YY1: variants seen among roughly 807,000 people sequenced by gnomAD.
YY1 encodes the protein transcriptional repressor protein YY1.
Under a neutral mutation model 35.6 loss-of-function variants are expected in YY1, and 2 were observed. The ratio of observed to expected loss-of-function variants is 0.06; its 90% CI spans 0.02 to 0.18. The LOEUF (loss-of-function observed/expected upper bound fraction) is 0.18, where lower values mean the gene tolerates loss of function less well. Ranked by LOEUF, YY1 falls within the 10% of genes least tolerant of loss-of-function variation. YY1 has a pLI of 1.00. For missense variants in YY1, 322 were observed against 573.4 expected, an observed-to-expected ratio of 0.56 and a Z score of 4.48; for synonymous variants, 268 against 238.9, an observed-to-expected ratio of 1.12 and a Z score of -1.12.
chr14:100,254,918 C>T lies in YY1; in HGVS notation c.680-7386C>T, dbSNP rs145317807. ...CTCCCAAGTTAGCTGGGATTACAAG[C>T]GCCCGCCACCACGCCCAGCTAATTT... On this transcript the variant is annotated intron_variant, in intron 1 of 4. Coordinates refer to ENST00000262238, the MANE Select transcript of YY1 (RefSeq NM_003403.5). 9.8e-3 allele frequency among the ~76,000 whole-genome samples: 1,445 copies of T among 146,886 alleles called. 26 individuals are homozygous for T. The highest frequency in any genetic ancestry group is 0.034 in the African/African-American group (1,353 of 39,726).
chr14:100,274,866 G>C (rs538656433), intron 3 of YY1, 108 bp downstream of exon 3: 13 of 1,118,850 alleles, frequency 1.2e-5, no homozygotes, highest in Non-Finnish European at 1.6e-5. Flanking sequence ...AATGAAGCAA[G>C]GAATTAGAAT....
chr14:100,262,186 G>T, intron 1 of YY1, 118 bp from the exon 2 acceptor site: 1 of 1,098,686 alleles, frequency 9.1e-7, no homozygotes, highest in Non-Finnish European at 1.3e-6. Context: ...GGAGAGGGGA[G>T]AACAAATTGA....
intron 1 of YY1, among the ~76,000 whole-genome samples, chr14:100,253,011 C>G (rs1890946623): frequency 6.6e-6 from 1 of 152,120 alleles, no homozygotes; most frequent in Admixed American, 6.6e-5. Context: ...CCACTGCACT[C>G]CAGCCTGGAC....
At chr14:100,254,814 C>T (rs899476637) in intron 1 of YY1, among the ~76,000 whole-genome samples, 2 of 150,068 alleles carry the variant, frequency 1.3e-5, no homozygotes, top group African/African-American at 4.9e-5. Context: ...ACAGTGTCGC[C>T]CGGGCTAGAG....
intron 1 of YY1, among the ~76,000 whole-genome samples, chr14:100,244,986 G>T (rs1288083475): frequency 6.6e-6 from 1 of 151,734 alleles, no homozygotes; most frequent in East Asian, 1.9e-4. Flanking sequence ...ACCCAGGCTA[G>T]AGTGCAGTGG....
At chr14:100,274,136 T>C (rs1191085648) in intron 2 of YY1, among the ~76,000 whole-genome samples, 1 of 152,194 alleles carries the variant, frequency 6.6e-6, no homozygotes, top group East Asian at 1.9e-4. Context: ...TATCTATAAA[T>C]CTTGATTTAA....
At chr14:100,254,465 T>C (rs1890971128) in intron 1 of YY1, among the ~76,000 whole-genome samples, 1 of 152,060 alleles carries the variant, frequency 6.6e-6, no homozygotes. Flanking sequence ...CTTTTCTCTT[T>C]TCTTTTCTTT....
rs572394068 is a variant in YY1, at chr14:100,279,096, G to A, written c.*1496G>A. 1 of 152,332 alleles carries A rather than the reference G, an allele frequency of 6.6e-6. No individual in the cohort carries two copies. The highest frequency in any genetic ancestry group is 1.9e-4 in the East Asian group (1 of 5,186). 9.4% of individuals were successfully genotyped at this position (152,332 alleles called of 1,614,324 possible). ...ATTATTAGAAAATTCTGCTCAATGA[G>A]TACCTCTCACATTGTAACCTCTTAA... On this transcript the variant is annotated 3_prime_UTR_variant, in exon 5 of 5. Transcript: ENST00000262238.
rs1891409907 is a variant in YY1, at chr14:100,280,848, C to CT, written c.*3250dup. 1 of 152,050 alleles carries CT rather than the reference C, an allele frequency of 6.6e-6. No homozygotes were observed. Among genetic ancestry groups the CT allele is most frequent in the Non-Finnish European group, 1.5e-5 (1 of 68,018 alleles). 9.4% of individuals were successfully genotyped at this position (152,050 alleles called of 1,614,324 possible). ...TCCGTTTGCACTCTGCCTTGCAAAA[C>CT]TTACTGTGGAGACGTGTCCCAGACT... On this transcript the variant is annotated 3_prime_UTR_variant, in exon 5 of 5. Coordinates refer to ENST00000262238, the MANE Select transcript of YY1 (RefSeq NM_003403.5).
At chr14:100,254,940 ATTTTTTTTTTTTT>A (rs35165026) in intron 1 of YY1, among the ~76,000 whole-genome samples, 541 of 29,624 alleles carry the variant, frequency 0.018, 22 homozygotes, top group African/African-American at 0.073. Flanking sequence ...CGCCCAGCTA[ATTTTTTTTTTTTT>A]TTTTTTTTTT....
At chr14:100,269,654 C>T (rs1263636373) in intron 2 of YY1, among the ~76,000 whole-genome samples, 1 of 152,108 alleles carries the variant, frequency 6.6e-6, no homozygotes, top group African/African-American at 2.4e-5. Flanking sequence ...CAAATAAAAT[C>T]TTAAAAGTAC....
intron 2 of YY1, among the ~76,000 whole-genome samples, chr14:100,270,624 AAAAAG>A (rs149313837): frequency 1.1e-4 from 16 of 151,874 alleles, no homozygotes; most frequent in Non-Finnish European, 1.8e-4. Flanking sequence ...CTCCATCTCA[AAAAAG>A]AAAAGAAAAG....
rs1384530869 is a variant in YY1, at chr14:100,276,652, G to GA, written c.1062+5dup. 6.2e-7 allele frequency: 1 copy of GA among 1,614,018 alleles called. No individual in the cohort carries two copies. Among genetic ancestry groups the GA allele is most frequent in the African/African-American group, 1.3e-5 (1 of 74,926 alleles). On this transcript the variant is annotated splice_donor_region_variant and intron_variant, in intron 4 of 4. Coordinates refer to ENST00000262238, the MANE Select transcript of YY1 (RefSeq NM_003403.5). The surrounding 1 kb of genome is among the most constrained non-coding windows in gnomAD (Gnocchi z 4.1). Reference sequence around the variant, plus strand: ...TACTGGAGAGAAGCCCTTTCAGGTAGAGCCAGTTCCCTCTCTTCCCCACAC... The same window carrying GA: ...TACTGGAGAGAAGCCCTTTCAGGTAGAAGCCAGTTCCCTCTCTTCCCCACAC...
Position 100,276,387 on chromosome 14 carries a change from G to A in YY1, c.904-103G>A, listed in dbSNP as rs1891318592. ...TAAGTAAAATTAAAATGGGGGGTTG[G>A]GGAGGTGGTTTTGTTTTAATATGTC... On this transcript the variant is annotated intron_variant, in intron 3 of 4. Transcript: ENST00000262238. This position sits in a 1 kb window ranked among gnomAD's most constrained non-coding sequence, Gnocchi z 4.1. 6.7e-7 allele frequency: 1 copy of A among 1,493,098 alleles called. No homozygotes were observed. Among genetic ancestry groups the A allele is most frequent in the Non-Finnish European group, 9.3e-7 (1 of 1,076,448 alleles). 92.5% of individuals were successfully genotyped at this position (1,493,098 alleles called of 1,614,324 possible). A position where few individuals can be genotyped will look rare whatever the true frequency, so the allele number is the denominator to read the frequency against.
In YY1 at chr14:100,245,789, T is replaced by TA. The variant is rs113757180; in HGVS notation, c.679+5867dup. ...GCCCGGCTAATTTTTGTATTTTTAA[T>TA]AGAGTCTGGGTTTCTCCATGTTGGC... On this transcript the variant is annotated intron_variant, in intron 1 of 4. Transcript: ENST00000262238. Among the ~76,000 whole-genome samples, 878 of 152,100 alleles carry TA rather than the reference T, an allele frequency of 5.8e-3. 7 individuals carry two copies. Among genetic ancestry groups the TA allele is most frequent in the African/African-American group, 0.02 (839 of 41,474 alleles).
intron 1 of YY1, among the ~76,000 whole-genome samples, chr14:100,245,938 TA>T (rs1303982293): frequency 2.6e-5 from 4 of 152,194 alleles, no homozygotes; most frequent in African/African-American, 9.6e-5. Flanking sequence ...TAGTTAATTA[TA>T]AACTAAGCCA....
chr14:100,281,431 T>C lies in YY1; in HGVS notation c.*3831T>C, dbSNP rs928175536. 1 of 152,136 alleles carries C rather than the reference T, an allele frequency of 6.6e-6. No individual in the cohort carries two copies. The highest frequency in any genetic ancestry group is 2.4e-5 in the African/African-American group (1 of 41,400). The allele number at this position is 152,136 out of a possible 1,614,324, so 9.4% of individuals were successfully genotyped here. A position where few individuals can be genotyped will look rare whatever the true frequency, so the allele number is the denominator to read the frequency against. ...CACAGGGTTGCCTTGGACCCTCGGC[T>C]GTAGGGGGCACCTGTCTGGCTCCGG... On this transcript the variant is annotated 3_prime_UTR_variant, in exon 5 of 5. Transcript: ENST00000262238.
At chr14:100,268,520 A>G (rs1029669353) in intron 2 of YY1, among the ~76,000 whole-genome samples, 1 of 152,190 alleles carries the variant, frequency 6.6e-6, no homozygotes, top group Non-Finnish European at 1.5e-5. Flanking sequence ...GAAAGATTAG[A>G]ATGGTTAGGC....
chr14:100,253,926 G>T lies in YY1; in HGVS notation c.680-8378G>T, dbSNP rs1238615588. Among the ~76,000 whole-genome samples the T allele has an allele frequency of 2.0e-5, 3 of 152,120 alleles. No homozygotes were observed. In the East Asian group the frequency reaches 5.8e-4, roughly 29 times the overall value. On this transcript the variant is annotated intron_variant, in intron 1 of 4. Coordinates refer to ENST00000262238, the MANE Select transcript of YY1 (RefSeq NM_003403.5). Reference sequence around the variant, plus strand: ...GCTCACTGCAACCTCTGCCTCCTGGGTTCTAGCAGTTCTCCTGCCTTGCCT... The same window carrying T: ...GCTCACTGCAACCTCTGCCTCCTGGTTTCTAGCAGTTCTCCTGCCTTGCCT...
Sources: gnomAD v4.1 joint callset for allele counts (sites outside exome capture counted in the v4.1 genomes callset) on GRCh38, gnomAD v4.1.1 for gene constraint, Gnocchi (gnomAD v3.1) non-coding constraint, MANE v1.5 for transcripts, NCBI Gene and HGNC (gene_info 2026-07-23, HGNC 2026-07-21) for gene names.